Variants in NRXN1 observed in about 807,000 individuals in gnomAD.
NRXN1 encodes the protein neurexin-1.
In NRXN1, 39 loss-of-function variants were observed where a neutral mutation model predicts 150.9. That is an observed-to-expected ratio of 0.26 (90% CI 0.20 to 0.34). The LOEUF is 0.34. Ranked by LOEUF, NRXN1 falls within the 10% of genes least tolerant of loss-of-function variation. The probability of loss-of-function intolerance (pLI) is 1.00; values close to 1 mark genes in which losing one functional copy is unlikely to be tolerated. For missense variants in NRXN1, 1,815 were observed against 1,949.9 expected (o/e 0.93, Z 1.30); for synonymous variants, 924 against 757.0 (o/e 1.22, Z -3.62).
At chr2:50,267,775 T>A (rs2069069918) in intron 17 of NRXN1, among the ~76,000 whole-genome samples, 1 of 152,212 alleles carries the variant, frequency 6.6e-6, no homozygotes, top group Non-Finnish European at 1.5e-5. Context: ...GCTCACATTT[T>A]AAAAGCACTT....
intron 2 of NRXN1, among the ~76,000 whole-genome samples, chr2:50,939,415 A>T (rs910274199): frequency 6.6e-6 from 1 of 151,942 alleles, no homozygotes; most frequent in Admixed American, 6.6e-5. Context: ...TCTAAAAATC[A>T]ACTTTATTTT....
chr2:50,308,999 G>A (rs79082106), intron 17 of NRXN1, among the ~76,000 whole-genome samples: 1 of 152,154 alleles, frequency 6.6e-6, no homozygotes, highest in African/African-American at 2.4e-5. Context: ...CGCAGGAGCT[G>A]CCCAGTAAAT....
chr2:50,899,241 G>T (rs535765598), intron 5 of NRXN1, among the ~76,000 whole-genome samples: 3 of 152,082 alleles, frequency 2.0e-5, no homozygotes. Flanking sequence ...TGAATTAGCC[G>T]GATTCCACCG....
intron 17 of NRXN1, among the ~76,000 whole-genome samples, chr2:50,374,969 GT>G (rs2080374862): frequency 6.6e-6 from 1 of 152,132 alleles, no homozygotes; most frequent in Non-Finnish European, 1.5e-5. Context: ...CTGGGATCAA[GT>G]TACTAAATGG....
At chr2:50,979,547 C>T (rs930886890) in intron 2 of NRXN1, among the ~76,000 whole-genome samples, 1 of 152,062 alleles carries the variant, frequency 6.6e-6, no homozygotes, top group African/African-American at 2.4e-5. Flanking sequence ...TAAATTATTT[C>T]ATAGACTGAC....
chr2:50,847,829 G>A (rs1673902702), intron 5 of NRXN1, among the ~76,000 whole-genome samples: 1 of 152,136 alleles, frequency 6.6e-6, no homozygotes, highest in Admixed American at 6.5e-5. Flanking sequence ...GGCGGAGTTT[G>A]GCTGGAGCGA....
At chr2:50,306,106 C>A (rs761258089) in intron 17 of NRXN1, among the ~76,000 whole-genome samples, 2 of 152,114 alleles carry the variant, frequency 1.3e-5, no homozygotes, top group Non-Finnish European at 2.9e-5. Flanking sequence ...GCCTTTAGAC[C>A]TCTATCTTAC....
At chr2:49,979,669 G>T (rs1679634907) in intron 21 of NRXN1, among the ~76,000 whole-genome samples, 1 of 152,146 alleles carries the variant, frequency 6.6e-6, no homozygotes, top group Non-Finnish European at 1.5e-5. Context: ...ATTTTGGACT[G>T]TTTTCAGTTT....
intron 5 of NRXN1, among the ~76,000 whole-genome samples, chr2:50,688,738 G>A (rs528243278): frequency 2.6e-5 from 4 of 152,226 alleles, no homozygotes; most frequent in South Asian, 2.1e-4. Flanking sequence ...TACAGCAAGG[G>A]CCTCCATCTT....
intron 22 of NRXN1, among the ~76,000 whole-genome samples, chr2:49,939,025 C>T (rs1325424975): frequency 3.9e-5 from 6 of 152,062 alleles, no homozygotes; most frequent in Non-Finnish European, 7.4e-5. Context: ...TTTATAAAAA[C>T]TTATATTTGT....
chr2:50,898,617 G>C (rs926222106), intron 5 of NRXN1: 1 of 477,142 alleles, frequency 2.1e-6, no homozygotes. Flanking sequence ...AATATTCTAT[G>C]AGGTTATCAT....
chr2:50,707,719 G>A (rs1210666432), intron 5 of NRXN1, among the ~76,000 whole-genome samples: 1 of 152,072 alleles, frequency 6.6e-6, no homozygotes. Flanking sequence ...TCCAGAAGAA[G>A]CCAGCAGCAA....
intron 21 of NRXN1, among the ~76,000 whole-genome samples, chr2:49,965,536 G>A (rs1676819653): frequency 1.3e-5 from 2 of 152,130 alleles, no homozygotes; most frequent in South Asian, 4.1e-4. Context: ...CCAAAGTGCT[G>A]GGATTACAGG....
At chr2:50,323,571 C>CTATATATATATATATA (rs149609146) in intron 17 of NRXN1, among the ~76,000 whole-genome samples, 30 of 144,372 alleles carry the variant, frequency 2.1e-4, no homozygotes, top group African/African-American at 7.6e-4. Context: ...GGGAAATAAA[C>CTATATATATATATATA]TATATATATA....
intron 5 of NRXN1, among the ~76,000 whole-genome samples, chr2:50,838,052 G>T (rs987065699): frequency 2.6e-5 from 4 of 152,032 alleles, no homozygotes; most frequent in African/African-American, 9.7e-5. Flanking sequence ...TAAAGTTAAG[G>T]AGTAGCAGAG....
chr2:50,274,933 T>G (rs1459468525), intron 17 of NRXN1, among the ~76,000 whole-genome samples: 1 of 152,172 alleles, frequency 6.6e-6, no homozygotes, highest in Non-Finnish European at 1.5e-5. Context: ...TTAACTCACA[T>G]TAGAAGTGTG....
intron 17 of NRXN1, among the ~76,000 whole-genome samples, chr2:50,459,110 T>C (rs955507826): frequency 6.6e-6 from 1 of 152,074 alleles, no homozygotes; most frequent in African/African-American, 2.4e-5. Context: ...AGAAACAACC[T>C]AGGCCTGATC....
chr2:50,533,313 G>C (rs1275155757), intron 10 of NRXN1, among the ~76,000 whole-genome samples: 1 of 151,960 alleles, frequency 6.6e-6, no homozygotes. Context: ...ATTTTCAATT[G>C]GAATATGAAA....
At chr2:50,753,897 G>A (rs1217060589) in intron 5 of NRXN1, among the ~76,000 whole-genome samples, 3 of 136,884 alleles carry the variant, frequency 2.2e-5, no homozygotes, top group African/African-American at 8.3e-5. Flanking sequence ...CCAAAAGGAA[G>A]TCATTTAGCA....
Sources: gnomAD v4.1 joint callset for allele counts (sites outside exome capture counted in the v4.1 genomes callset) on GRCh38, gnomAD v4.1.1 for gene constraint, MANE v1.5 for transcripts, NCBI Gene and HGNC (gene_info 2026-07-23, HGNC 2026-07-21) for gene names.